The following SPAG1 variants were observed in gnomAD, a reference collection of about 807,000 sequenced individuals.
SPAG1 encodes sperm associated antigen 1.
In SPAG1, 69 loss-of-function variants were observed where a neutral mutation model predicts 100.5. The ratio of observed to expected loss-of-function variants is 0.69; its 90% CI spans 0.57 to 0.84. The LOEUF (loss-of-function observed/expected upper bound fraction) is 0.84. SPAG1 is among the 40% of genes least tolerant of loss of function. The pLI, the probability that SPAG1 is intolerant of heterozygous loss-of-function variation, is 0.00. For missense variants in SPAG1, 955 were observed against 1,133.1 expected, an observed-to-expected ratio of 0.84 and a Z score of 2.26; for synonymous variants, 336 against 411.6, an observed-to-expected ratio of 0.82 and a Z score of 2.22.
At chr8:100,159,041 T>G (rs1288876569) in intron 1 of SPAG1, 1 of 151,956 alleles carries the variant, frequency 6.6e-6, no homozygotes. Flanking sequence ...TTTGATTAGG[T>G]AAGAGATGGC....
Position 100,239,198 on chromosome 8 carries a change from T to C in SPAG1, c.2116-42T>C. ...TCCCACTCAGGTTACTCTAGGCTCCTTCTATTTATGAAAGTTATTTTCTCT... is the reference window on the plus strand; with the variant it reads ...TCCCACTCAGGTTACTCTAGGCTCCCTCTATTTATGAAAGTTATTTTCTCT... On this transcript the variant is annotated intron_variant, in intron 16 of 18. Coordinates refer to ENST00000388798, the MANE Select transcript of SPAG1 (RefSeq NM_003114.5). This position sits in a 1 kb window ranked among gnomAD's most constrained non-coding sequence, Gnocchi z 5.0. The C allele has an allele frequency of 1.5e-6, 2 of 1,347,298 alleles. No homozygotes were observed. Among genetic ancestry groups the C allele is most frequent in the Non-Finnish European group, 2.0e-6 (2 of 989,924 alleles). The allele number at this position is 1,347,298 out of a possible 1,614,324, so 83.5% of individuals were successfully genotyped here. A position where few individuals can be genotyped will look rare whatever the true frequency, so the allele number is the denominator to read the frequency against.
At chr8:100,185,391 CA>C (rs1187174591) in intron 7 of SPAG1, among the ~76,000 whole-genome samples, 20 of 152,160 alleles carry the variant, frequency 1.3e-4, no homozygotes, top group Non-Finnish European at 2.8e-4. Context: ...CATCTCACCC[CA>C]CCCACCTCAC....
rs34049816 is a variant in SPAG1, at chr8:100,227,841, A to ATTTT, written c.1855+2522_1855+2525dup. On this transcript the variant is annotated intron_variant, in intron 14 of 18. Coordinates refer to ENST00000388798, the MANE Select transcript of SPAG1 (RefSeq NM_003114.5). ...GTACCATTTGACCCTATTGTGTCAG[A>ATTTT]TTTTTTTTTTTTTTTTTTTTTTTGA... Among the ~76,000 whole-genome samples, 722 of 103,686 alleles carry ATTTT rather than the reference A, an allele frequency of 7.0e-3. 27 individuals carry two copies. The highest frequency in any genetic ancestry group is 0.012 in the African/African-American group (292 of 25,306). 68.0% of individuals were successfully genotyped at this position (103,686 alleles called of 152,430 possible).
intron 4 of SPAG1, among the ~76,000 whole-genome samples, chr8:100,180,165 A>G (rs1177558353): frequency 9.2e-5 from 14 of 152,064 alleles, no homozygotes. Flanking sequence ...CCATCTCTAC[A>G]AAACATTTTT....
At chr8:100,224,816 T>G (rs932834511) in intron 13 of SPAG1, among the ~76,000 whole-genome samples, 21 of 152,174 alleles carry the variant, frequency 1.4e-4, no homozygotes, top group East Asian at 1.9e-4. Flanking sequence ...ATCAATTTAG[T>G]AATGATTTTA....
intron 3 of SPAG1, among the ~76,000 whole-genome samples, chr8:100,174,970 C>CTTTTTTTTTTTTTTTTTTTTTT (rs71274961): frequency 7.3e-6 from 1 of 136,348 alleles, no homozygotes. Flanking sequence ...TATTTCATGG[C>CTTTTTTTTTTTTTTTTTTTTTT]TTTTTTTTTT....
chr8:100,218,775 T>C (rs943116715), intron 12 of SPAG1, among the ~76,000 whole-genome samples: 1 of 152,240 alleles, frequency 6.6e-6, no homozygotes, highest in Non-Finnish European at 1.5e-5. Context: ...GAGTAACTTC[T>C]ATGATATGCC....
At chr8:100,217,886 G>A (rs760283720) in intron 12 of SPAG1, among the ~76,000 whole-genome samples, 14 of 152,000 alleles carry the variant, frequency 9.2e-5, no homozygotes, top group South Asian at 4.2e-4. Flanking sequence ...GGGTTCAAGC[G>A]ATTCTTGTAC....
At chr8:100,198,297 A>G (rs1817119517) in intron 10 of SPAG1, among the ~76,000 whole-genome samples, 1 of 152,222 alleles carries the variant, frequency 6.6e-6, no homozygotes, top group African/African-American at 2.4e-5. Context: ...CATAAAGGTG[A>G]ATAATTTTGA....
At chr8:100,202,188 C>T (rs922154491) in intron 10 of SPAG1, among the ~76,000 whole-genome samples, 1 of 152,048 alleles carries the variant, frequency 6.6e-6, no homozygotes, top group Admixed American at 6.5e-5. Context: ...TCACAGAAGT[C>T]TTCTATGTTG....
At position 100,177,178 on chromosome 8, in the gene SPAG1, T is replaced by A. The variant is rs567526583; in HGVS notation, c.301-638T>A. ...ATGGTGTTATTTAAGGTTTACAGTA[T>A]TACACTAAACATCATAAAAATATGT... On this transcript the variant is annotated intron_variant, in intron 3 of 18. Coordinates refer to ENST00000388798, the MANE Select transcript of SPAG1 (RefSeq NM_003114.5). Among the ~76,000 whole-genome samples, 10 of 152,274 alleles carry A rather than the reference T, an allele frequency of 6.6e-5. No individual in the cohort carries two copies. In the South Asian group the frequency reaches 1.7e-3, roughly 25 times the overall value.
intron 10 of SPAG1, among the ~76,000 whole-genome samples, chr8:100,211,204 C>G (rs1021777216): frequency 6.6e-6 from 1 of 151,996 alleles, no homozygotes; most frequent in African/African-American, 2.4e-5. Flanking sequence ...GTAGAGCCAC[C>G]CTCTGAACAG....
At chr8:100,220,059 T>TAAATGC (rs1352978354) in intron 12 of SPAG1, among the ~76,000 whole-genome samples, 8 of 152,072 alleles carry the variant, frequency 5.3e-5, no homozygotes, top group African/African-American at 1.9e-4. Context: ...TGGGAAAGAG[T>TAAATGC]AAATGCAGAG....
chr8:100,164,244 G>T (rs1398319284), intron 2 of SPAG1, among the ~76,000 whole-genome samples: 1 of 152,100 alleles, frequency 6.6e-6, no homozygotes, highest in Non-Finnish European at 1.5e-5. Flanking sequence ...CTTTCTGCTA[G>T]TCTCTAATAT....
intron 12 of SPAG1, 32 bp downstream of exon 12, chr8:100,213,950 A>T (rs1326868228): frequency 1.6e-6 from 2 of 1,241,242 alleles, no homozygotes; most frequent in Admixed American, 1.9e-5. Flanking sequence ...TTGTCAAGAG[A>T]TTGTTATAAT....
intron 3 of SPAG1, among the ~76,000 whole-genome samples, chr8:100,172,447 T>C (rs898251694): frequency 1.3e-5 from 2 of 151,974 alleles, no homozygotes; most frequent in Non-Finnish European, 2.9e-5. Context: ...GGTGAAACCC[T>C]GTCTCTACTA....
At chr8:100,234,054 C>G (rs1171494879) in intron 16 of SPAG1, among the ~76,000 whole-genome samples, 3 of 152,178 alleles carry the variant, frequency 2.0e-5, no homozygotes, top group Non-Finnish European at 4.4e-5. Flanking sequence ...AAAACCATGC[C>G]ATTAGTTTAG....
rs757491095 is a variant in SPAG1 at position 100,239,253 on chromosome 8, G to A, written c.2129G>A (p.Ser710Asn). 1 of 1,497,866 alleles carries A rather than the reference G, an allele frequency of 6.7e-7. No individual in the cohort carries two copies. The highest frequency in any genetic ancestry group is 8.9e-7 in the Non-Finnish European group (1 of 1,122,458). 92.8% of individuals were successfully genotyped at this position (1,497,866 alleles called of 1,614,324 possible). A position where few individuals can be genotyped will look rare whatever the true frequency, so the allele number is the denominator to read the frequency against. The stretch of plus-strand genomic sequence containing the variant: ...TCCTACTTACAGAATTATCAGAAAA[G>A]CTTAATTGATCTCAATAAAGTTATC... ...AHKGLKNYQK[S>N]LIDLNKVILL... The change falls in exon 17 of 19, where the codon AGC becomes AAC. Residue 710 changes from serine (S) to asparagine (N), a missense_variant. Transcript: ENST00000388798. The surrounding 1 kb of genome is among the most constrained non-coding windows in gnomAD (Gnocchi z 5.0).
chr8:100,165,582 T>C (rs1563768069), intron 2 of SPAG1: 2 of 451,898 alleles, frequency 4.4e-6, no homozygotes, highest in Non-Finnish European at 7.9e-6. Flanking sequence ...ATCCAGTTTT[T>C]AAAGTGTGTG....
Sources: allele counts gnomAD v4.1 joint callset (sites outside exome capture counted in the v4.1 genomes callset), GRCh38; gene constraint gnomAD v4.1.1; non-coding constraint Gnocchi (gnomAD v3.1); transcripts MANE v1.5; gene names NCBI Gene and HGNC (gene_info 2026-07-23, HGNC 2026-07-21).